Variants in SORCS1 observed in about 807,000 individuals in gnomAD.
The protein encoded by SORCS1 is sortilin related VPS10 domain containing receptor 1.
A neutral mutation model predicts 146.1 loss-of-function variants in SORCS1; 60 were observed. That is an observed-to-expected ratio of 0.41 (90% CI 0.33 to 0.51). SORCS1 has a LOEUF of 0.51. Among genes scored for constraint, SORCS1 ranks in the 20% least tolerant of loss-of-function variants. The probability of loss-of-function intolerance (pLI) is 0.21; values close to 1 mark genes in which losing one functional copy is unlikely to be tolerated. For synonymous variants in SORCS1, 637 were observed against 584.0 expected (o/e 1.09, Z -1.31); for missense variants, 1,352 against 1,487.6 (o/e 0.91, Z 1.50).
At chr10:106,603,698 G>A (rs1038309012) in intron 23 of SORCS1, among the ~76,000 whole-genome samples, 1 of 152,182 alleles carries the variant, frequency 6.6e-6, no homozygotes, top group Admixed American at 6.5e-5. Flanking sequence ...TTTCCGCTGA[G>A]ATTTAGAGTA....
At chr10:106,929,298 A>G (rs1423107554) in intron 2 of SORCS1, among the ~76,000 whole-genome samples, 2 of 152,124 alleles carry the variant, frequency 1.3e-5, no homozygotes, top group Non-Finnish European at 2.9e-5. Flanking sequence ...TCCACTATAC[A>G]TTTTATGTGG....
At chr10:106,851,601 C>A (rs1043609760) in intron 2 of SORCS1, among the ~76,000 whole-genome samples, 8 of 152,234 alleles carry the variant, frequency 5.3e-5, no homozygotes, top group African/African-American at 1.9e-4. Flanking sequence ...GTCCTGATTA[C>A]TACAAGTTTA....
intron 9 of SORCS1, among the ~76,000 whole-genome samples, chr10:106,695,842 A>G (rs918692625): frequency 2.0e-5 from 3 of 152,230 alleles, no homozygotes; most frequent in African/African-American, 7.2e-5. Flanking sequence ...TAACTAAACC[A>G]TACAAGCTGT....
At chr10:106,850,123 G>A (rs1215940927) in intron 2 of SORCS1, among the ~76,000 whole-genome samples, 1 of 151,808 alleles carries the variant, frequency 6.6e-6, no homozygotes, top group African/African-American at 2.4e-5. Flanking sequence ...CCCAGTTCGA[G>A]CTTCCCGGCT....
intron 5 of SORCS1, 63 bp from the exon 6 acceptor site, chr10:106,730,177 GA>G (rs1856493141): frequency 6.8e-7 from 1 of 1,480,522 alleles, no homozygotes; most frequent in South Asian, 1.1e-5. Context: ...TGCCTTAGTG[GA>G]ACTCGGCAGA....
At chr10:106,733,087 G>A (rs11193030) in intron 5 of SORCS1, among the ~76,000 whole-genome samples, 56,519 of 137,564 alleles carry the variant, frequency 0.41, 12,063 homozygotes, top group African/African-American at 0.44. Flanking sequence ...TAGCATGGGC[G>A]ACAAAGTGAT....
At chr10:106,606,270 G>GAT (rs1201417195) in intron 23 of SORCS1, among the ~76,000 whole-genome samples, 6 of 105,588 alleles carry the variant, frequency 5.7e-5, no homozygotes, top group African/African-American at 2.6e-4. Flanking sequence ...TACACACACA[G>GAT]ATATACACAC....
At chr10:106,912,022 A>G (rs1952184900) in intron 2 of SORCS1, among the ~76,000 whole-genome samples, 1 of 151,570 alleles carries the variant, frequency 6.6e-6, no homozygotes, top group Non-Finnish European at 1.5e-5. Flanking sequence ...CTGAGACAGG[A>G]GAATAGCGTG....
chr10:106,737,300 C>A (rs1043993293), intron 5 of SORCS1, among the ~76,000 whole-genome samples: 11 of 152,184 alleles, frequency 7.2e-5, no homozygotes, highest in Non-Finnish European at 1.5e-5. Flanking sequence ...CAGCAGCTCT[C>A]CCCTTCCTTT....
Position 106,806,504 on chromosome 10 carries a change from C to CTTT in SORCS1, c.726+23069_726+23070insAAA, listed in dbSNP as rs1564680476. ...ACAGCCCTTCTGATGAGAGAGGAAG[C>CTTT]CTTTTTTTTTTTTTTTTTTTTTTTT... On this transcript the variant is annotated intron_variant, in intron 3 of 25. Transcript: ENST00000263054. Among the ~76,000 whole-genome samples the CTTT allele has an allele frequency of 4.1e-4, 38 of 92,912 alleles. 7 individuals are homozygous for CTTT. Among genetic ancestry groups the CTTT allele is most frequent in the African/African-American group, 1.7e-3 (36 of 21,774 alleles). 61.0% of individuals were successfully genotyped at this position (92,912 alleles called of 152,430 possible).
At chr10:106,900,340 G>C (rs1324765974) in intron 2 of SORCS1, among the ~76,000 whole-genome samples, 1 of 151,888 alleles carries the variant, frequency 6.6e-6, no homozygotes, top group African/African-American at 2.4e-5. Context: ...AAGCTATATT[G>C]CTTTTGATTA....
chr10:106,779,217 G>A (rs571010919), intron 3 of SORCS1, among the ~76,000 whole-genome samples: 1 of 152,118 alleles, frequency 6.6e-6, no homozygotes, highest in Non-Finnish European at 1.5e-5. Flanking sequence ...GAAATAATGG[G>A]AAATAGAAAT....
In SORCS1 at chr10:107,022,939, T is replaced by A. The variant is rs374361396; in HGVS notation, c.559-66359A>T. Among the ~76,000 whole-genome samples the A allele has an allele frequency of 3.9e-5, 6 of 152,286 alleles. No homozygotes were observed. The South Asian group carries it at 1.2e-3, about 32-fold the overall frequency. ...ACAACACACTTGAGGCACTTTTCAA[T>A]AGAGTAAAACCCCAGTAAATGAAAG... On this transcript the variant is annotated intron_variant, in intron 1 of 25. Transcript: ENST00000263054.
In SORCS1 at chr10:106,799,954, G is replaced by C. The variant is rs368041975; in HGVS notation, c.727-23262C>G. Among the ~76,000 whole-genome samples the C allele has an allele frequency of 5.9e-5, 9 of 152,268 alleles. No homozygotes were observed. In the South Asian group the frequency reaches 1.9e-3, roughly 32 times the overall value. On this transcript the variant is annotated intron_variant, in intron 3 of 25. Transcript: ENST00000263054. ...TTTATTCTTCAAGTTCCTGCAAGAA[G>C]CCTAGGATGTCTAGATTCAGAAGTG...
chr10:106,710,432 G>GAAAA (rs33978828), intron 6 of SORCS1, among the ~76,000 whole-genome samples: 9 of 126,816 alleles, frequency 7.1e-5, no homozygotes, highest in South Asian at 2.7e-4. Flanking sequence ...TGGGTGACAG[G>GAAAA]AAAAAAAAAA....
chr10:106,627,254 A>G (rs1247751502), intron 19 of SORCS1, among the ~76,000 whole-genome samples: 1 of 152,138 alleles, frequency 6.6e-6, no homozygotes, highest in Non-Finnish European at 1.5e-5. Flanking sequence ...TTAATGGGAG[A>G]CCCTGAAAAA....
intron 1 of SORCS1, among the ~76,000 whole-genome samples, chr10:107,082,398 G>A (rs762656252): frequency 6.6e-6 from 1 of 152,082 alleles, no homozygotes; most frequent in Non-Finnish European, 1.5e-5. Flanking sequence ...TTCACACAGT[G>A]CTGTTCAAAG....
chr10:106,975,593 T>A (rs1172693120), intron 1 of SORCS1, among the ~76,000 whole-genome samples: 1 of 152,226 alleles, frequency 6.6e-6, no homozygotes. Context: ...TGCCATGCAG[T>A]AATTTACAGT....
At chr10:106,692,767 A>G (rs1404708421) in intron 9 of SORCS1, among the ~76,000 whole-genome samples, 1 of 152,022 alleles carries the variant, frequency 6.6e-6, no homozygotes, top group Non-Finnish European at 1.5e-5. Context: ...ACATGATGCT[A>G]TAAGTGTAAC....
Sources: gnomAD v4.1 joint callset for allele counts (sites outside exome capture counted in the v4.1 genomes callset) on GRCh38, gnomAD v4.1.1 for gene constraint, MANE v1.5 for transcripts, NCBI Gene and HGNC (gene_info 2026-07-23, HGNC 2026-07-21) for gene names.